SERPINE2: variants seen among roughly 807,000 people sequenced by gnomAD.
SERPINE2 encodes glia-derived nexin.
Under a neutral mutation model 36.3 loss-of-function variants are expected in SERPINE2, and 14 were observed. That is an observed-to-expected ratio of 0.39 (90% CI 0.25 to 0.60). The LOEUF (loss-of-function observed/expected upper bound fraction) is 0.60, where lower values mean the gene tolerates loss of function less well. Among genes scored for constraint, SERPINE2 ranks in the 20% least tolerant of loss-of-function variants. SERPINE2 has a pLI of 0.57. For missense variants in SERPINE2, 418 were observed against 499.6 expected (o/e 0.84, Z 1.56); for synonymous variants, 192 against 191.8 (o/e 1.00, Z -0.01).
In SERPINE2 at chr2:223,987,873, C is replaced by T. The variant is rs1406008976; in HGVS notation, c.686-2923G>A. ...AGAGGGTATCTTAAATATTTAATAT[C>T]AGGAAACCTTTATAGATGAAAGTCC... On this transcript the variant is annotated intron_variant, in intron 4 of 8. Transcript: ENST00000409304. Among the ~76,000 whole-genome samples the T allele has an allele frequency of 2.0e-5, 3 of 152,192 alleles. No individual in the cohort carries two copies. In the East Asian group the frequency reaches 5.8e-4, roughly 29 times the overall value.
At chr2:224,031,192 C>T in intron 1 of SERPINE2, 10 of 985,462 alleles carry the variant, frequency 1.0e-5, no homozygotes, top group Non-Finnish European at 1.2e-5. Context: ...GGCTCTGGCA[C>T]TGACACATAA....
chr2:223,983,901 G>A (rs536433798), intron 5 of SERPINE2, among the ~76,000 whole-genome samples: 1 of 151,238 alleles, frequency 6.6e-6, no homozygotes, highest in African/African-American at 2.4e-5. Flanking sequence ...ACCCATTGAG[G>A]CCTACGATGC....
intron 1 of SERPINE2, among the ~76,000 whole-genome samples, chr2:224,004,114 C>A (rs1559208341): frequency 1.3e-5 from 2 of 152,218 alleles, no homozygotes; most frequent in African/African-American, 4.8e-5. Flanking sequence ...ATTAATTAAT[C>A]TTTCCCTGCA....
At chr2:223,975,962 G>A in intron 8 of SERPINE2, 58 bp from the exon 9 acceptor site, 1 of 1,463,550 alleles carries the variant, frequency 6.8e-7, no homozygotes, top group Non-Finnish European at 9.4e-7. Flanking sequence ...CTTAAAATAA[G>A]ATGGAAGGTA....
At chr2:224,007,703 C>T (rs75965372) in intron 1 of SERPINE2, among the ~76,000 whole-genome samples, 15,464 of 152,188 alleles carry the variant, frequency 0.1, 919 homozygotes, top group East Asian at 0.2. Flanking sequence ...ACTGGTTACA[C>T]CTCTTGCCTT....
intron 1 of SERPINE2, chr2:224,030,335 C>G: frequency 3.7e-6 from 2 of 537,368 alleles, no homozygotes; most frequent in Non-Finnish European, 4.8e-6. Flanking sequence ...AGGCCAAAGA[C>G]ACGAGGAAGA....
At chr2:224,005,097 A>ATATATATATATATATATATATATAT (rs58677711) in intron 1 of SERPINE2, among the ~76,000 whole-genome samples, 3 of 127,114 alleles carry the variant, frequency 2.4e-5, no homozygotes, top group African/African-American at 1.0e-4. Flanking sequence ...ATATATATAT[A>ATATATATATATATATATATATATAT]AAACATTGTA....
intron 1 of SERPINE2, among the ~76,000 whole-genome samples, chr2:224,011,863 T>C (rs1230647583): frequency 6.6e-6 from 1 of 152,242 alleles, no homozygotes; most frequent in Non-Finnish European, 1.5e-5. Flanking sequence ...CAATTATAAT[T>C]GCAAATTAAA....
chr2:223,978,674 C>T (rs1158891204), intron 7 of SERPINE2: 1 of 152,184 alleles, frequency 6.6e-6, no homozygotes, highest in Non-Finnish European at 1.5e-5. Flanking sequence ...TGCTCAAACC[C>T]CATGAAGTAT....
intron 2 of SERPINE2, among the ~76,000 whole-genome samples, chr2:223,999,996 T>C (rs1574827944): frequency 6.6e-6 from 1 of 152,188 alleles, no homozygotes; most frequent in Non-Finnish European, 1.5e-5. Flanking sequence ...AGAAGTGTAA[T>C]GCTGCATCAA....
At chr2:224,014,871 T>C (rs1410905461) in intron 1 of SERPINE2, among the ~76,000 whole-genome samples, 1 of 152,130 alleles carries the variant, frequency 6.6e-6, no homozygotes, top group Non-Finnish European at 1.5e-5. Flanking sequence ...AGAGAGAGAA[T>C]AGGCATGAAA....
At chr2:224,036,564 A>G (rs1692544173) in intron 1 of SERPINE2, among the ~76,000 whole-genome samples, 1 of 151,518 alleles carries the variant, frequency 6.6e-6, no homozygotes, top group African/African-American at 2.4e-5. Context: ...GCAAACCACC[A>G]TGGCACGTGT....
chr2:224,030,058 C>T (rs1044428288), intron 1 of SERPINE2: 148 of 985,290 alleles, frequency 1.5e-4, no homozygotes, highest in Non-Finnish European at 1.7e-4. Context: ...AAGCAGCCAG[C>T]ATGACAGGGC....
chr2:224,033,874 C>T (rs577800098), intron 1 of SERPINE2, among the ~76,000 whole-genome samples: 43 of 152,188 alleles, frequency 2.8e-4, no homozygotes, highest in Non-Finnish European at 5.4e-4. Flanking sequence ...CTGTATTAGA[C>T]TTCCGCTTTT....
intron 1 of SERPINE2, among the ~76,000 whole-genome samples, chr2:224,003,116 T>C (rs1208170755): frequency 6.6e-6 from 1 of 151,870 alleles, no homozygotes; most frequent in African/African-American, 2.4e-5. Context: ...TGATGAGACC[T>C]GAATGGGGGA....
chr2:224,018,629 A>G (rs1691881679), intron 1 of SERPINE2, among the ~76,000 whole-genome samples: 1 of 152,054 alleles, frequency 6.6e-6, no homozygotes. Flanking sequence ...AAAGGGGTAG[A>G]AAGATATATA....
Position 223,998,177 on chromosome 2 carries a change from T to C in SERPINE2, c.425A>G (p.Asn142Ser), listed in dbSNP as rs1405144392. 6.2e-7 allele frequency: 1 copy of C among 1,614,234 alleles called. No individual in the cohort carries two copies. Among genetic ancestry groups the C allele is most frequent in the Non-Finnish European group, 8.5e-7 (1 of 1,180,044 alleles). Reference protein sequence around the residue: ...DVFQCEVRNVNFEDPASACDS... With the variant: ...DVFQCEVRNVSFEDPASACDS... ...ACAGGCAGAGGCTGGATCCTCAAAG[T>C]TCACATTCCGGACCTCACACTGGAA... The change falls in exon 3 of 9, where the codon AAC becomes AGC. Residue 142 changes from asparagine (N) to serine (S), a missense_variant. Physicochemically the swap from Asn to Ser is conservative, Grantham distance 46. Coordinates refer to ENST00000409304, the MANE Select transcript of SERPINE2 (RefSeq NM_001136528.2).
chr2:224,001,999 T>G (rs1367654613), intron 1 of SERPINE2, 77 bp from the exon 2 acceptor site: 5 of 985,926 alleles, frequency 5.1e-6, no homozygotes, highest in Non-Finnish European at 6.5e-6. Context: ...TTCCCCCAGA[T>G]AGAGACTCGT....
In SERPINE2 at chr2:224,016,196, C is replaced by T. The variant is rs1361724756; in HGVS notation, c.-22-14274G>A. On this transcript the variant is annotated intron_variant, in intron 1 of 8. Transcript: ENST00000409304. ...TGGTGGGAATATAAAATGGCACAGC[C>T]GCTCTAGAAAACAGTTTGGTAGGTC... Among the ~76,000 whole-genome samples, 11 of 152,250 alleles carry T rather than the reference C, an allele frequency of 7.2e-5. No homozygotes were observed. In the East Asian group the frequency reaches 1.4e-3, roughly 19 times the overall value.
Sources: allele counts gnomAD v4.1 joint callset (sites outside exome capture counted in the v4.1 genomes callset), GRCh38; gene constraint gnomAD v4.1.1; transcripts MANE v1.5; gene names NCBI Gene and HGNC (gene_info 2026-07-23, HGNC 2026-07-21).